Variants in ZNF674 observed in about 807,000 individuals in gnomAD.
ZNF674 encodes the protein zinc finger family member 674.
Under a neutral mutation model 7.0 loss-of-function variants are expected in ZNF674, and 2 were observed. The observed-to-expected ratio is 0.29, with a 90% CI of 0.12 to 0.90. The LOEUF (loss-of-function observed/expected upper bound fraction) is 0.90, where lower values mean the gene tolerates loss of function less well. Ranked by LOEUF, ZNF674 falls within the 40% of genes least tolerant of loss-of-function variation. ZNF674 has a pLI of 0.57. For synonymous variants in ZNF674, 103 were observed against 145.2 expected (o/e 0.71, Z 2.09); for missense variants, 297 against 415.5 (o/e 0.71, Z 2.48).
chrX:46,515,878 T>C (rs1193787628), intron 5 of ZNF674, among the ~76,000 whole-genome samples: 1 of 111,530 alleles, frequency 9.0e-6, no homozygotes, highest in Non-Finnish European at 1.9e-5. Context: ...CCCCAAGTGC[T>C]AGAATTACAG....
At chrX:46,529,174 TC>T in intron 3 of ZNF674, 2 of 422,166 alleles carry the variant, frequency 4.7e-6, no homozygotes, top group African/African-American at 2.4e-5. Context: ...CGCTGGCCTT[TC>T]TTTATATAAC....
At chrX:46,525,144 T>C (rs1344525307) in intron 5 of ZNF674, among the ~76,000 whole-genome samples, 2 of 111,346 alleles carry the variant, frequency 1.8e-5, no homozygotes, top group African/African-American at 6.5e-5. Flanking sequence ...TTAAAAGGAA[T>C]AATCCTCAAG....
At chrX:46,540,026 C>T (rs1942264263) in intron 3 of ZNF674, among the ~76,000 whole-genome samples, 2 of 111,641 alleles carry the variant, frequency 1.8e-5, no homozygotes, top group South Asian at 3.7e-4. Flanking sequence ...GGGCGGATCA[C>T]GAGGTCAGGA....
intron 3 of ZNF674, among the ~76,000 whole-genome samples, chrX:46,531,720 A>G (rs1330263978): frequency 5.4e-5 from 6 of 111,568 alleles, no homozygotes; most frequent in African/African-American, 1.6e-4. Flanking sequence ...AAATATGACA[A>G]TGATGATGAA....
intron 5 of ZNF674, among the ~76,000 whole-genome samples, chrX:46,523,781 A>G (rs967778840): frequency 3.6e-5 from 4 of 111,657 alleles, no homozygotes; most frequent in African/African-American, 1.3e-4. Context: ...AGTGGCTCAC[A>G]CCTGTAATCC....
intron 5 of ZNF674, among the ~76,000 whole-genome samples, chrX:46,508,965 G>C (rs1044393626): frequency 3.6e-5 from 4 of 110,953 alleles, no homozygotes; most frequent in African/African-American, 1.3e-4. Context: ...ACAGAACAGA[G>C]CCCTCAGAAA....
chrX:46,519,294 G>T (rs1467106516), intron 5 of ZNF674, among the ~76,000 whole-genome samples: 2 of 105,902 alleles, frequency 1.9e-5, no homozygotes, highest in Admixed American at 2.1e-4. Flanking sequence ...TAGATAGATA[G>T]ATAGATAGAT....
chrX:46,528,906 A>G lies in ZNF674; in HGVS notation c.19T>C (p.Ser7Pro), dbSNP rs1225749326. 8.3e-7 allele frequency: 1 copy of G among 1,209,762 alleles called. No individual in the cohort carries two copies. Among genetic ancestry groups the G allele is most frequent in the African/African-American group, 1.8e-5 (1 of 57,075 alleles). Residue 7 changes from serine to proline, a missense_variant, in exon 4 of 6, where the codon TCA (serine) becomes CCA (proline). Ser to Pro is a moderately conservative substitution (Grantham distance 74). Coordinates refer to ENST00000683375, the MANE Select transcript of ZNF674 (RefSeq NM_001190417.2). MAMSQE[S>P]LTFKDVFVDF... ...ACAAACACGTCCTTGAAGGTCAATGATTCCTGTAACGGCACATTCCTCTTT... is the reference window on the plus strand; with the variant it reads ...ACAAACACGTCCTTGAAGGTCAATGGTTCCTGTAACGGCACATTCCTCTTT...
chrX:46,521,897 A>G (rs1392404209), intron 5 of ZNF674, among the ~76,000 whole-genome samples: 1 of 93,787 alleles, frequency 1.1e-5, no homozygotes, highest in East Asian at 3.1e-4. Flanking sequence ...TCAAAAAAAA[A>G]GAAAAGAATA....
chrX:46,527,084 C>T (rs1464132153), intron 5 of ZNF674, among the ~76,000 whole-genome samples: 1 of 110,561 alleles, frequency 9.0e-6, no homozygotes, highest in African/African-American at 3.3e-5. Flanking sequence ...GCCAACATGG[C>T]AAAACCTCGT....
At chrX:46,544,189 G>A (rs894729499) in intron 2 of ZNF674, among the ~76,000 whole-genome samples, 1 of 112,913 alleles carries the variant, frequency 8.9e-6, no homozygotes, top group Admixed American at 9.3e-5. Context: ...TCCTCCAGCA[G>A]GAATCAAACT....
intron 5 of ZNF674, among the ~76,000 whole-genome samples, chrX:46,503,252 A>T (rs749616642): frequency 1.5e-4 from 17 of 112,606 alleles, no homozygotes; most frequent in Non-Finnish European, 2.6e-4. Flanking sequence ...ACAAGCTTTC[A>T]TCTTAGAACT....
chrX:46,502,075 AG>A (rs1941442441), intron 5 of ZNF674, among the ~76,000 whole-genome samples: 1 of 110,630 alleles, frequency 9.0e-6, no homozygotes. Context: ...TGGGAGGCCG[AG>A]GTGGGTGGAT....
intron 5 of ZNF674, among the ~76,000 whole-genome samples, chrX:46,519,638 A>C (rs1941871044): frequency 1.8e-5 from 2 of 111,001 alleles, no homozygotes; most frequent in Admixed American, 9.7e-5. Flanking sequence ...AATAAAAATA[A>C]ATACATACAT....
intron 3 of ZNF674, among the ~76,000 whole-genome samples, chrX:46,538,475 T>C (rs1602090472): frequency 8.9e-6 from 1 of 111,949 alleles, no homozygotes; most frequent in East Asian, 2.8e-4. Context: ...AGAGATCTTA[T>C]TTACTTGAGT....
intron 5 of ZNF674, among the ~76,000 whole-genome samples, chrX:46,519,246 AT>A (rs1234452900): frequency 4.8e-4 from 36 of 74,750 alleles, no homozygotes; most frequent in African/African-American, 1.9e-3. Context: ...AGATAGATAG[AT>A]AGATAGATAG....
chrX:46,542,408 T>C (rs1336501286), intron 2 of ZNF674, among the ~76,000 whole-genome samples: 1 of 112,116 alleles, frequency 8.9e-6, no homozygotes, highest in East Asian at 2.8e-4. Flanking sequence ...AGCACAAAGA[T>C]GCAAAATGTT....
intron 5 of ZNF674, among the ~76,000 whole-genome samples, chrX:46,504,130 T>C (rs750780182): frequency 4.5e-5 from 5 of 111,335 alleles, no homozygotes; most frequent in Non-Finnish European, 9.4e-5. Flanking sequence ...GTTCATACCA[T>C]AGGGAAATTA....
intron 2 of ZNF674, among the ~76,000 whole-genome samples, chrX:46,542,447 C>G (rs1280614014): frequency 8.9e-6 from 1 of 112,244 alleles, no homozygotes. Flanking sequence ...TATGAAAAAT[C>G]TGCCTATAAT....
Sources: gnomAD v4.1 joint callset for allele counts (sites outside exome capture counted in the v4.1 genomes callset) on GRCh38, gnomAD v4.1.1 for gene constraint, MANE v1.5 for transcripts, NCBI Gene and HGNC (gene_info 2026-07-23, HGNC 2026-07-21) for gene names.